The following HUWE1 variants were observed in gnomAD, a reference collection of about 807,000 sequenced individuals.
HUWE1 encodes the protein HECT, UBA and WWE domain containing E3 ubiquitin protein ligase 1.
In HUWE1, 18 loss-of-function variants were observed where a neutral mutation model predicts 299.4. That is an observed-to-expected ratio of 0.06 (90% CI 0.04 to 0.09). HUWE1 has a LOEUF of 0.09. HUWE1 is among the 10% of genes least tolerant of loss of function. The probability of loss-of-function intolerance (pLI) is 1.00; values close to 1 mark genes in which losing one functional copy is unlikely to be tolerated. For synonymous variants in HUWE1, 1,317 were observed against 1,286.1 expected (o/e 1.02, Z -0.51); for missense variants, 1,832 against 3,462.3 (o/e 0.53, Z 11.82).
At chrX:53,640,313 T>C (rs782038686) in intron 7 of HUWE1, among the ~76,000 whole-genome samples, 11 of 112,057 alleles carry the variant, frequency 9.8e-5, no homozygotes, top group Non-Finnish European at 1.9e-4. Flanking sequence ...TGAGCTGATA[T>C]CGTGCAACTG....
intron 49 of HUWE1, among the ~76,000 whole-genome samples, chrX:53,567,379 A>G (rs986388494): frequency 0.14 from 5 of 37 alleles, no homozygotes; most frequent in African/African-American, 0.31. Context: ...CAAAGGTGTA[A>G]TAATTTTGAG....
Position 53,550,973 on chromosome X carries a change from G to C in HUWE1, c.9313C>G (p.Arg3105Gly). ...AACAGACGCTCATGCATGAGCTGTC[G>C]CTGCCGGGCTTCTTGCTCTCGTCTC... Reference protein sequence around the residue: ...ALRREQEARQRQLMHERLFGH... With the variant: ...ALRREQEARQGQLMHERLFGH... The change falls in exon 65 of 84, where the codon CGA (arginine) becomes GGA (glycine). Residue 3105 changes from arginine (R) to glycine (G), a missense_variant. Physicochemically the swap from Arg to Gly is moderately radical, Grantham distance 125. Transcript: ENST00000262854. 1 of 1,211,465 alleles carries C rather than the reference G, an allele frequency of 8.3e-7. No individual in the cohort carries two copies. The highest frequency in any genetic ancestry group is 1.1e-6 in the Non-Finnish European group (1 of 895,392).
chrX:53,555,866 T>C (rs1556934107), intron 60 of HUWE1, among the ~76,000 whole-genome samples: 1 of 109,144 alleles, frequency 9.2e-6, no homozygotes, highest in African/African-American at 3.3e-5. Context: ...GGTCTCGAAC[T>C]CCTGACCTCA....
At chrX:53,633,972 A>G (rs1270811092) in intron 8 of HUWE1, among the ~76,000 whole-genome samples, 1 of 111,700 alleles carries the variant, frequency 9.0e-6, no homozygotes, top group Non-Finnish European at 1.9e-5. Flanking sequence ...TAATTCAACA[A>G]ATACAGCTAC....
At chrX:53,610,822 TA>T (rs1466520897) in intron 23 of HUWE1, among the ~76,000 whole-genome samples, 1 of 111,545 alleles carries the variant, frequency 9.0e-6, no homozygotes, top group Non-Finnish European at 1.9e-5. Flanking sequence ...ACAAAGACTT[TA>T]TATAGTCCAT....
Position 53,630,989 on chromosome X carries a change from G to A in HUWE1, c.808C>T (p.His270Tyr). The change falls in exon 12 of 84, where the codon CAC becomes TAC. Residue 270 changes from histidine (H) to tyrosine (Y), a missense_variant. By Grantham distance (83) the His-to-Tyr change is moderately conservative. Transcript: ENST00000262854. ...HIRLAHGFSN[H>Y]RKRLQAVQAR... ...TGAACTGCCTGCAATCGCTTCCTGT[G>A]ATTAGAAAAGCCATGGGCCAGTCGT... The A allele has an allele frequency of 1.7e-6, 2 of 1,197,810 alleles. No individual in the cohort carries two copies. The highest frequency in any genetic ancestry group is 2.3e-6 in the Non-Finnish European group (2 of 882,818).
At chrX:53,600,807 TATAAAAC>T (rs2064785955) in intron 28 of HUWE1, among the ~76,000 whole-genome samples, 1 of 112,796 alleles carries the variant, frequency 8.9e-6, no homozygotes, top group Admixed American at 9.3e-5. Context: ...TATGCAAACT[TATAAAAC>T]AAGTCACCAA....
Position 53,595,288 on chromosome X carries a change from T to C in HUWE1, c.3279A>G (p.Ala1093=). 4 of 1,211,197 alleles carry C rather than the reference T, an allele frequency of 3.3e-6. No homozygotes were observed. The South Asian group carries it at 7.0e-5, about 21-fold the overall frequency. The change falls in exon 30 of 84, where the codon GCA becomes GCG. Residue 1093 remains alanine, a synonymous_variant. Coordinates refer to ENST00000262854, the MANE Select transcript of HUWE1 (RefSeq NM_031407.7). ...CTGTTGATCGCGCGGCAGGTGTCGG[T>C]GCTGTAGTGGTGCTGGCAGCATGAT... ...RSHHAASTTT[A]PTPAARSTAS...
At chrX:53,572,980 CT>C (rs1556953203) in intron 47 of HUWE1, among the ~76,000 whole-genome samples, 1 of 111,176 alleles carries the variant, frequency 9.0e-6, no homozygotes, top group African/African-American at 3.3e-5. Context: ...AAGAAACATC[CT>C]TGAGTCTTAA....
Position 53,543,807 on chromosome X carries a change from CAAAT to C in HUWE1, c.11379+30_11379+33del, listed in dbSNP as rs782719100. The C allele has an allele frequency of 1.4e-4, 164 of 1,209,315 alleles. 1 individual carries two copies. The highest frequency in any genetic ancestry group is 2.8e-5 in the Non-Finnish European group (25 of 894,703). Reference sequence around the variant, plus strand: ...CATGGTGGGGGGATGAGTGGAGAGACAAATGAATGAGGGGCCACAGGCATCATGC... The same window carrying C: ...CATGGTGGGGGGATGAGTGGAGAGACGAATGAGGGGCCACAGGCATCATGC... On this transcript the variant is annotated intron_variant, in intron 73 of 83. Coordinates refer to ENST00000262854, the MANE Select transcript of HUWE1 (RefSeq NM_031407.7).
At chrX:53,642,899 T>C (rs938183644) in intron 7 of HUWE1, among the ~76,000 whole-genome samples, 4 of 112,287 alleles carry the variant, frequency 3.6e-5, no homozygotes, top group African/African-American at 3.2e-5. Flanking sequence ...CTACCATGGG[T>C]CTGTTAACTT....
rs1008430949 is a variant in HUWE1, at chrX:53,603,516, A to T, written c.2743-15T>A. On this transcript the variant is annotated splice_polypyrimidine_tract_variant and intron_variant, in intron 26 of 83. Transcript: ENST00000262854. The stretch of plus-strand genomic sequence containing the variant: ...CGAATTTCACTCTGCAATCATAACA[A>T]GAATTTCACCTTTGGGATGTTCTCT... 1.7e-6 allele frequency: 2 copies of T among 1,206,395 alleles called. No homozygotes were observed. The highest frequency in any genetic ancestry group is 2.2e-6 in the Non-Finnish European group (2 of 890,865).
At chrX:53,628,050 G>A (rs1207064732) in intron 15 of HUWE1, among the ~76,000 whole-genome samples, 171 bp from the exon 16 acceptor site, 2 of 111,341 alleles carry the variant, frequency 1.8e-5, no homozygotes, top group East Asian at 2.8e-4. Context: ...TGACTTCTGC[G>A]ACTCAACCTC....
chrX:53,564,946 G>C lies in HUWE1; in HGVS notation c.6880+121C>G, dbSNP rs1319498944. 1.5e-5 allele frequency: 13 copies of C among 867,111 alleles called. No homozygotes were observed. In the East Asian group the frequency reaches 1.6e-4, roughly 10 times the overall value. 71.5% of individuals were successfully genotyped at this position (867,111 alleles called of 1,213,427 possible). ...GTGGGGCAGATTCCCACGCCACTAT[G>C]ACAGATCTCTGGAAGGCCAGCAAGT... On this transcript the variant is annotated intron_variant, in intron 50 of 83. Coordinates refer to ENST00000262854, the MANE Select transcript of HUWE1 (RefSeq NM_031407.7).
intron 2 of HUWE1, among the ~76,000 whole-genome samples, chrX:53,682,168 CTAAT>C (rs2070194898): frequency 8.9e-6 from 1 of 111,915 alleles, no homozygotes; most frequent in African/African-American, 3.3e-5. Context: ...AAAAGTAATC[CTAAT>C]TTATTATGTG....
intron 15 of HUWE1, 94 bp from the exon 16 acceptor site, chrX:53,627,973 A>G: frequency 1.3e-6 from 1 of 795,816 alleles, no homozygotes; most frequent in Non-Finnish European, 1.9e-6. Flanking sequence ...CTGGGGCCTC[A>G]GTAAGGCAGC....
intron 3 of HUWE1, among the ~76,000 whole-genome samples, chrX:53,676,816 G>C (rs2069844725): frequency 8.9e-6 from 1 of 111,855 alleles, no homozygotes; most frequent in Non-Finnish European, 1.9e-5. Flanking sequence ...ACACTTATAT[G>C]TGTAACCTTT....
At chrX:53,609,192 A>G (rs1362573862) in intron 23 of HUWE1, among the ~76,000 whole-genome samples, 1 of 111,160 alleles carries the variant, frequency 9.0e-6, no homozygotes, top group African/African-American at 3.3e-5. Flanking sequence ...CTACCTTTCC[A>G]AGCCTGACCA....
intron 3 of HUWE1, among the ~76,000 whole-genome samples, chrX:53,656,825 G>A (rs2068770288): frequency 9.0e-6 from 1 of 110,570 alleles, no homozygotes; most frequent in Non-Finnish European, 1.9e-5. Context: ...CAGACATCAA[G>A]TAGTACTGAT....
Sources: gnomAD v4.1 joint callset for allele counts (sites outside exome capture counted in the v4.1 genomes callset) on GRCh38, gnomAD v4.1.1 for gene constraint, MANE v1.5 for transcripts, NCBI Gene and HGNC (gene_info 2026-07-23, HGNC 2026-07-21) for gene names.